STAT1: variants seen among roughly 807,000 people sequenced by gnomAD.
STAT1 encodes signal transducer and activator of transcription 1-alpha/beta.
In STAT1, 24 loss-of-function variants were observed where a neutral mutation model predicts 111.7. That is an observed-to-expected ratio of 0.21 (90% CI 0.16 to 0.30). The LOEUF is 0.30. STAT1 is among the 10% of genes least tolerant of loss of function. The pLI is 1.00. For synonymous variants in STAT1, 332 were observed against 326.5 expected, an observed-to-expected ratio of 1.02 and a Z score of -0.18; for missense variants, 351 against 911.9, an observed-to-expected ratio of 0.38 and a Z score of 7.92.
Position 190,989,413 on chromosome 2 carries a change from A to C in STAT1, c.1097+202T>G, listed in dbSNP as rs896855838. Among the ~76,000 whole-genome samples, 1 of 152,210 alleles carries C rather than the reference A, an allele frequency of 6.6e-6. No individual in the cohort carries two copies. Among genetic ancestry groups the C allele is most frequent in the Non-Finnish European group, 1.5e-5 (1 of 68,024 alleles). ...GGGTCATTTGTGATGGCCCTGGTGG[A>C]TCTGACTAGAAGTCTCTGCTCATGC... On this transcript the variant is annotated intron_variant, in intron 12 of 24. Transcript: ENST00000361099. This position sits in a 1 kb window ranked among gnomAD's most constrained non-coding sequence, Gnocchi z 5.0.
chr2:190,985,632 G>A lies in STAT1; in HGVS notation c.1250C>T (p.Thr417Ile). ...LQLKEQKNAG[T>I]RTNEGPLIVT... is the part of the protein sequence containing the mutation. ...AGGGACTCTCACCTCATTCGTTCTG[G>A]TGCCAGCATTTTTCTGTTCTTTCAA... Residue 417 changes from threonine (T) to isoleucine (I), a missense_variant, in exon 15 of 25, where the codon ACC (threonine) becomes ATC (isoleucine). By Grantham distance (89) the Thr-to-Ile change is moderately conservative. Coordinates refer to ENST00000361099, the MANE Select transcript of STAT1 (RefSeq NM_007315.4). The A allele has an allele frequency of 6.2e-7, 1 of 1,614,164 alleles. No homozygotes were observed. Among genetic ancestry groups the A allele is most frequent in the Non-Finnish European group, 8.5e-7 (1 of 1,180,028 alleles).
In STAT1 at chr2:190,983,581, A is replaced by C. The variant is rs1692553815; in HGVS notation, c.1446+61T>G. On this transcript the variant is annotated intron_variant, in intron 17 of 24. Transcript: ENST00000361099. The surrounding 1 kb of genome is among the most constrained non-coding windows in gnomAD (Gnocchi z 5.7). ...GCCATTGGGGCTATTTCAGAGATGC[A>C]GCAGTGAGAGCGTGGGGTCTCTGCT... 1 of 1,436,982 alleles carries C rather than the reference A, an allele frequency of 7.0e-7. No homozygotes were observed. The highest frequency in any genetic ancestry group is 1.1e-5 in the South Asian group (1 of 87,524). 89.0% of individuals were successfully genotyped at this position (1,436,982 alleles called of 1,614,324 possible).
rs969077448 is a variant in STAT1 at position 190,997,182 on chromosome 2, A to G, written c.785+674T>C. 5.9e-5 allele frequency among the ~76,000 whole-genome samples: 9 copies of G among 152,228 alleles called. No individual in the cohort carries two copies. Among genetic ancestry groups the G allele is most frequent in the Admixed American group, 5.9e-4 (9 of 15,290 alleles). The stretch of plus-strand genomic sequence containing the variant: ...TTGCACACGCTGTGCTCTGTGCTGG[A>G]AAGCACTTCCCCTTGATCTACGTGG... On this transcript the variant is annotated intron_variant, in intron 9 of 24. Transcript: ENST00000361099. The surrounding 1 kb of genome is among the most constrained non-coding windows in gnomAD (Gnocchi z 7.3).
In STAT1 at chr2:190,973,841, C is replaced by A. The variant is rs1323665531; in HGVS notation, c.2238+989G>T. ...CCGTGCTTAAGGTGAGGAAAAAAGT[C>A]AAAAAATTACACATGAGAAACCTGA... On this transcript the variant is annotated intron_variant, in intron 24 of 24. Transcript: ENST00000361099. The surrounding 1 kb of genome is among the most constrained non-coding windows in gnomAD (Gnocchi z 4.4). 1.5e-4 allele frequency among the ~76,000 whole-genome samples: 23 copies of A among 152,082 alleles called. No individual in the cohort carries two copies. The highest frequency in any genetic ancestry group is 1.5e-3 in the Admixed American group (23 of 15,270).
Position 190,993,695 on chromosome 2 carries a change from C to T in STAT1, c.944+1366G>A, listed in dbSNP as rs2125055856. The T allele has an allele frequency of 2.7e-5, 11 of 412,044 alleles. No individual in the cohort carries two copies. Among genetic ancestry groups the T allele is most frequent in the Middle Eastern group, 4.3e-4 (1 of 2,342 alleles). The allele number at this position is 412,044 out of a possible 1,614,324, so 25.5% of individuals were successfully genotyped here. On this transcript the variant is annotated intron_variant, in intron 10 of 24. Coordinates refer to ENST00000361099, the MANE Select transcript of STAT1 (RefSeq NM_007315.4). The surrounding 1 kb of genome is among the most constrained non-coding windows in gnomAD (Gnocchi z 4.1). ...GTTCTGGGAGAGTAAATGTCTTCCC[C>T]GACTCTGCCCCCTGGAACGCAATCA...
At position 190,999,044 on chromosome 2, in the gene STAT1, A is replaced by C. The variant is rs1199542776; in HGVS notation, c.541+582T>G. On this transcript the variant is annotated intron_variant, in intron 7 of 24. Transcript: ENST00000361099. The surrounding 1 kb of genome is among the most constrained non-coding windows in gnomAD (Gnocchi z 4.1). The stretch of plus-strand genomic sequence containing the variant: ...CAGCAGTACCCTACGTGTCCTACAC[A>C]ATGTACATTCTTGAGATCTTTTCTG... Among the ~76,000 whole-genome samples, 1 of 152,190 alleles carries C rather than the reference A, an allele frequency of 6.6e-6. No individual in the cohort carries two copies. Among genetic ancestry groups the C allele is most frequent in the Non-Finnish European group, 1.5e-5 (1 of 68,028 alleles).
At chr2:190,985,516 G>A (rs1310496876) in intron 15 of STAT1, 103 bp downstream of exon 15, 3 of 1,175,394 alleles carry the variant, frequency 2.6e-6, no homozygotes, top group Non-Finnish European at 3.8e-6. Context: ...TTCCCTGATG[G>A]GTCTGAACTC....
At chr2:191,013,421 A>T (rs1233619936) in intron 2 of STAT1, 104 bp downstream of exon 2, 1 of 387,024 alleles carries the variant, frequency 2.6e-6, no homozygotes, top group Non-Finnish European at 4.6e-6. Flanking sequence ...CATCACTTTT[A>T]AACTCTAGGA....
In STAT1 at chr2:190,989,107, C is replaced by T. The variant is rs557585445; in HGVS notation, c.1097+508G>A. On this transcript the variant is annotated intron_variant, in intron 12 of 24. Coordinates refer to ENST00000361099, the MANE Select transcript of STAT1 (RefSeq NM_007315.4). This position sits in a 1 kb window ranked among gnomAD's most constrained non-coding sequence, Gnocchi z 5.0. ...CACAGTCTCCCCAAGATGCTGCTGA[C>T]CTCGCTCCAGAAAAAAACCCCCAAA... Among the ~76,000 whole-genome samples the T allele has an allele frequency of 6.6e-6, 1 of 152,160 alleles. No homozygotes were observed. Among genetic ancestry groups the T allele is most frequent in the South Asian group, 2.1e-4 (1 of 4,802 alleles).
At chr2:191,013,306 A>G (rs1262245858) in intron 2 of STAT1, among the ~76,000 whole-genome samples, 3 of 152,220 alleles carry the variant, frequency 2.0e-5, no homozygotes, top group Non-Finnish European at 4.4e-5. Flanking sequence ...CATTCAAAGC[A>G]CAATCAACCA....
chr2:191,003,508 A>T lies in STAT1; in HGVS notation c.373-2345T>A, dbSNP rs1416145974. ...AGTTTCTCATGAATAGTTTAGCACC[A>T]TCCTCTTGGTACTATCCTTGTGATC... On this transcript the variant is annotated intron_variant, in intron 5 of 24. Transcript: ENST00000361099. The surrounding 1 kb of genome is among the most constrained non-coding windows in gnomAD (Gnocchi z 4.0). 6.6e-6 allele frequency among the ~76,000 whole-genome samples: 1 copy of T among 152,158 alleles called. No individual in the cohort carries two copies. The highest frequency in any genetic ancestry group is 6.5e-5 in the Admixed American group (1 of 15,282).
Position 190,979,685 on chromosome 2 carries a change from G to A in STAT1, c.1727+87C>T. 1 of 1,089,418 alleles carries A rather than the reference G, an allele frequency of 9.2e-7. No homozygotes were observed. The highest frequency in any genetic ancestry group is 1.3e-5 in the South Asian group (1 of 79,464). The allele number at this position is 1,089,418 out of a possible 1,614,324, so 67.5% of individuals were successfully genotyped here. On this transcript the variant is annotated intron_variant, in intron 20 of 24. Transcript: ENST00000361099. This position sits in a 1 kb window ranked among gnomAD's most constrained non-coding sequence, Gnocchi z 5.8. ...CTCCTGTGAGATTCACACACGCCTA[G>A]TCAAATACTGAAGCTGGACTCAGGC... is the stretch of plus-strand genomic sequence containing the variant.
chr2:190,980,260 G>A lies in STAT1; in HGVS notation c.1632+360C>T, dbSNP rs1692269701. The stretch of plus-strand genomic sequence containing the variant: ...AATGTTCCCCGCAGTGGGCCCCTCT[G>A]CTCGAGCAGGCCGTTAAACTCGTCT... On this transcript the variant is annotated intron_variant, in intron 19 of 24. Coordinates refer to ENST00000361099, the MANE Select transcript of STAT1 (RefSeq NM_007315.4). The surrounding 1 kb of genome is among the most constrained non-coding windows in gnomAD (Gnocchi z 6.1). Among the ~76,000 whole-genome samples, 1 of 152,238 alleles carries A rather than the reference G, an allele frequency of 6.6e-6. No individual in the cohort carries two copies. Among genetic ancestry groups the A allele is most frequent in the African/African-American group, 2.4e-5 (1 of 41,468 alleles).
rs41375144 is a variant in STAT1, at chr2:190,977,884, C to G, written c.1874-859G>C. Among the ~76,000 whole-genome samples the G allele has an allele frequency of 0.087, 13,257 of 151,960 alleles. 769 individuals carry two copies. The highest frequency in any genetic ancestry group is 0.13 in the Non-Finnish European group (8,688 of 67,966). ...CTCATCTCAGCCTCCCTGCTTTTTC[C>G]TCAGAAGAAAAATAGAACAAGAAAA... On this transcript the variant is annotated intron_variant, in intron 21 of 24. Coordinates refer to ENST00000361099, the MANE Select transcript of STAT1 (RefSeq NM_007315.4). This position sits in a 1 kb window ranked among gnomAD's most constrained non-coding sequence, Gnocchi z 4.7.
Position 190,971,081 on chromosome 2 carries a change from G to C in STAT1, c.2239-364C>G, listed in dbSNP as rs1317849827. ...CTGAGCCATATGCCAGAGGGAGAGA[G>C]GAAGGAGAGGGAAATGATACACTTC... On this transcript the variant is annotated intron_variant, in intron 24 of 24. Coordinates refer to ENST00000361099, the MANE Select transcript of STAT1 (RefSeq NM_007315.4). The surrounding 1 kb of genome is among the most constrained non-coding windows in gnomAD (Gnocchi z 4.1). Among the ~76,000 whole-genome samples the C allele has an allele frequency of 6.6e-6, 1 of 152,158 alleles. No individual in the cohort carries two copies. Among genetic ancestry groups the C allele is most frequent in the Non-Finnish European group, 1.5e-5 (1 of 68,036 alleles).
In STAT1 at chr2:190,988,966, G is replaced by A. The variant is rs45564333; in HGVS notation, c.1097+649C>T. On this transcript the variant is annotated intron_variant, in intron 12 of 24. Coordinates refer to ENST00000361099, the MANE Select transcript of STAT1 (RefSeq NM_007315.4). The stretch of plus-strand genomic sequence containing the variant: ...AGTGGCCAAGTTAGTGCCAGTCCAG[G>A]TCTAGGGTCTCAGGGCAAAATAGGA... Among the ~76,000 whole-genome samples the A allele has an allele frequency of 3.9e-4, 60 of 152,214 alleles. 1 individual carries two copies. The East Asian group carries it at 9.7e-3, about 25-fold the overall frequency.
At position 190,970,603 on chromosome 2, in the gene STAT1, A is replaced by G. The variant is rs1691378920; in HGVS notation, c.*100T>C. The G allele has an allele frequency of 7.1e-7, 1 of 1,407,392 alleles. No individual in the cohort carries two copies. Among genetic ancestry groups the G allele is most frequent in the Non-Finnish European group, 1.0e-6 (1 of 995,510 alleles). The allele number at this position is 1,407,392 out of a possible 1,614,324, so 87.2% of individuals were successfully genotyped here. A position where few individuals can be genotyped will look rare whatever the true frequency, so the allele number is the denominator to read the frequency against. ...CAGCGAATTTGCTGGCCTTTCTTTC[A>G]TTTCCCTAGAAACACAGGATGTGAA... On this transcript the variant is annotated 3_prime_UTR_variant, in exon 25 of 25. Transcript: ENST00000361099. The surrounding 1 kb of genome is among the most constrained non-coding windows in gnomAD (Gnocchi z 5.4).
chr2:190,991,977 A>C (rs993053903), intron 10 of STAT1, among the ~76,000 whole-genome samples: 1 of 152,256 alleles, frequency 6.6e-6, no homozygotes, highest in African/African-American at 2.4e-5. Flanking sequence ...AAAACCCAAC[A>C]TACAGGACTT....
Position 190,978,790 on chromosome 2 carries a change from G to C in STAT1, c.1873+66C>G. The C allele has an allele frequency of 1.3e-6, 2 of 1,590,514 alleles. No homozygotes were observed. Among genetic ancestry groups the C allele is most frequent in the Non-Finnish European group, 1.7e-6 (2 of 1,167,054 alleles). On this transcript the variant is annotated intron_variant, in intron 21 of 24. Transcript: ENST00000361099. This position sits in a 1 kb window ranked among gnomAD's most constrained non-coding sequence, Gnocchi z 6.1. ...AACGCACTATCTGTATGAGCTGACT[G>C]GCGGCGATGAAGAGGGACTTCACAC... is the stretch of plus-strand genomic sequence containing the variant.
Sources: allele counts gnomAD v4.1 joint callset (sites outside exome capture counted in the v4.1 genomes callset), GRCh38; gene constraint gnomAD v4.1.1; non-coding constraint Gnocchi (gnomAD v3.1); transcripts MANE v1.5; gene names NCBI Gene and HGNC (gene_info 2026-07-23, HGNC 2026-07-21).